Variants in TPRG1 observed in about 807,000 individuals in gnomAD.
TPRG1 encodes the protein tumor protein p63 regulated 1.
In TPRG1, 29 loss-of-function variants were observed where a neutral mutation model predicts 29.3. The observed-to-expected ratio is 0.99, with a 90% CI of 0.74 to 1.35. The LOEUF (loss-of-function observed/expected upper bound fraction) is 1.35, where lower values mean the gene tolerates loss of function less well. Ranked by LOEUF, TPRG1 falls within the 40% of genes most tolerant of loss-of-function variation. TPRG1 has a pLI of 0.00. For missense variants in TPRG1, 327 were observed against 335.0 expected (o/e 0.98, Z 0.19); for synonymous variants, 130 against 116.8 (o/e 1.11, Z -0.73).
At chr3:189,215,879 G>A (rs16864100) in intron 3 of TPRG1, among the ~76,000 whole-genome samples, 3,762 of 152,232 alleles carry the variant, frequency 0.025, 169 homozygotes, top group African/African-American at 0.086. Context: ...TACATTTCCA[G>A]AGTTAGGATA....
chr3:189,014,899 C>T (rs1442805866), intron 3 of TPRG1, among the ~76,000 whole-genome samples: 1 of 152,020 alleles, frequency 6.6e-6, no homozygotes, highest in Non-Finnish European at 1.5e-5. Context: ...AAATGGAATA[C>T]TACAGAAAAT....
intron 3 of TPRG1, among the ~76,000 whole-genome samples, chr3:189,022,516 T>TG (rs564967987): frequency 5.9e-5 from 9 of 151,470 alleles, no homozygotes; most frequent in Non-Finnish European, 1.0e-4. Flanking sequence ...GTGCCCCTGC[T>TG]GGGGGGTGCC....
At chr3:189,065,456 A>G (rs879453091) in intron 4 of TPRG1, among the ~76,000 whole-genome samples, 56 of 152,282 alleles carry the variant, frequency 3.7e-4, no homozygotes, top group Middle Eastern at 3.4e-3. Context: ...AACAATATTT[A>G]AAAAGAATTA....
intron 2 of TPRG1, among the ~76,000 whole-genome samples, chr3:189,212,546 G>T (rs542942970): frequency 4.2e-4 from 62 of 146,240 alleles, no homozygotes; most frequent in African/African-American, 1.5e-3. Context: ...CTGAAATCCT[G>T]TGAAGATTGT....
chr3:189,159,494 G>C (rs186244703), intron 5 of TPRG1, among the ~76,000 whole-genome samples: 2 of 152,306 alleles, frequency 1.3e-5, no homozygotes, highest in Non-Finnish European at 2.9e-5. Flanking sequence ...GGGAAGGACA[G>C]AGTCCTATCC....
intron 1 of TPRG1, among the ~76,000 whole-genome samples, chr3:189,176,510 TAAAC>T (rs1308536111): frequency 6.6e-6 from 1 of 151,950 alleles, no homozygotes; most frequent in Admixed American, 6.6e-5. Flanking sequence ...ATACAGAAAA[TAAAC>T]AAAACCATTC....
intron 1 of TPRG1, among the ~76,000 whole-genome samples, chr3:189,203,422 A>G (rs912568576): frequency 3.5e-4 from 53 of 152,176 alleles, no homozygotes; most frequent in African/African-American, 1.3e-3. Flanking sequence ...CACTACTTCA[A>G]TAAATATAAC....
intron 4 of TPRG1, among the ~76,000 whole-genome samples, chr3:189,057,876 A>G (rs199718379): frequency 4.3e-4 from 61 of 143,406 alleles, no homozygotes; most frequent in Middle Eastern, 3.6e-3. Flanking sequence ...GTATGTGTGT[A>G]TATATATATA....
chr3:189,270,736 G>A (rs190489441), intron 4 of TPRG1, among the ~76,000 whole-genome samples: 15 of 152,208 alleles, frequency 9.9e-5, no homozygotes, highest in African/African-American at 3.1e-4. Flanking sequence ...TCACTATCGG[G>A]TGCCATTATG....
chr3:189,266,073 C>T (rs1714023154), intron 4 of TPRG1, among the ~76,000 whole-genome samples: 1 of 152,094 alleles, frequency 6.6e-6, no homozygotes, highest in Non-Finnish European at 1.5e-5. Flanking sequence ...AGTCCACGGG[C>T]CATGGTTCCA....
intron 1 of TPRG1, among the ~76,000 whole-genome samples, chr3:189,186,440 A>C (rs1730928912): frequency 6.6e-6 from 1 of 152,220 alleles, no homozygotes; most frequent in African/African-American, 2.4e-5. Flanking sequence ...AAACAAAACA[A>C]AACAAAAAAC....
At chr3:189,206,075 TTTC>T (rs1403882496) in intron 1 of TPRG1, among the ~76,000 whole-genome samples, 4 of 133,938 alleles carry the variant, frequency 3.0e-5, no homozygotes, top group African/African-American at 1.1e-4. Context: ...TTTTTCTTTC[TTTC>T]TTTTTCTTTC....
intron 2 of TPRG1, among the ~76,000 whole-genome samples, chr3:189,128,193 C>A (rs1034468681): frequency 2.0e-5 from 3 of 152,146 alleles, no homozygotes; most frequent in Non-Finnish European, 4.4e-5. Context: ...TTAATGAATT[C>A]GTTTTGCTAG....
chr3:189,101,305 C>A (rs1212033613), intron 1 of TPRG1, among the ~76,000 whole-genome samples: 3 of 152,090 alleles, frequency 2.0e-5, no homozygotes, highest in African/African-American at 7.2e-5. Context: ...TCTTCTAAGA[C>A]ATGTAAAGTC....
At chr3:189,178,353 AC>A (rs1404877788) in intron 1 of TPRG1, among the ~76,000 whole-genome samples, 7 of 151,894 alleles carry the variant, frequency 4.6e-5, no homozygotes, top group African/African-American at 1.7e-4. Context: ...ACATGGCAAA[AC>A]CCCGTCTCTA....
intron 1 of TPRG1, among the ~76,000 whole-genome samples, chr3:189,187,832 A>G (rs1016787799): frequency 6.6e-6 from 1 of 152,234 alleles, no homozygotes; most frequent in Admixed American, 6.5e-5. Flanking sequence ...ATCAATTTTT[A>G]TCTGAATTGC....
At chr3:189,296,584 T>G (rs1719963884) in intron 4 of TPRG1, among the ~76,000 whole-genome samples, 1 of 152,204 alleles carries the variant, frequency 6.6e-6, no homozygotes, top group Non-Finnish European at 1.5e-5. Context: ...TATTGTTTCC[T>G]TTTTATGGCC....
At chr3:189,027,400 T>C (rs918925353) in intron 4 of TPRG1, among the ~76,000 whole-genome samples, 1 of 152,214 alleles carries the variant, frequency 6.6e-6, no homozygotes, top group African/African-American at 2.4e-5. Context: ...CTAAGTAAGG[T>C]ATGTAAATAG....
chr3:189,229,321 TAAAAAG>T (rs1452981583), intron 3 of TPRG1, among the ~76,000 whole-genome samples: 1 of 152,190 alleles, frequency 6.6e-6, no homozygotes, highest in Non-Finnish European at 1.5e-5. Flanking sequence ...AAGCAATTCT[TAAAAAG>T]AATAAACTTC....
Sources: allele counts gnomAD v4.1 joint callset (sites outside exome capture counted in the v4.1 genomes callset), GRCh38; gene constraint gnomAD v4.1.1; transcripts MANE v1.5; gene names NCBI Gene and HGNC (gene_info 2026-07-23, HGNC 2026-07-21).